The following TRIO variants were observed in gnomAD, a reference collection of about 807,000 sequenced individuals.
TRIO encodes trio Rho guanine nucleotide exchange factor, also known as triple functional domain protein.
In TRIO, 58 loss-of-function variants were observed where a neutral mutation model predicts 351.9. That is an observed-to-expected ratio of 0.16 (90% CI 0.13 to 0.21). The LOEUF (loss-of-function observed/expected upper bound fraction) is 0.21, where lower values mean the gene tolerates loss of function less well. TRIO is among the 10% of genes least tolerant of loss of function. The pLI is 1.00. For synonymous variants in TRIO, 1,758 were observed against 1,595.7 expected (o/e 1.10, Z -2.42); for missense variants, 3,201 against 4,027.8 (o/e 0.79, Z 5.56).
chr5:14,485,158 C>T lies in TRIO; in HGVS notation c.6747C>T (p.Phe2249=). Residue 2249 remains phenylalanine, a synonymous_variant, in exon 47 of 57, where the codon TTC becomes TTT. Coordinates refer to ENST00000344204, the MANE Select transcript of TRIO (RefSeq NM_007118.4). ...GGACGGGTGACGTGGTAGAGACCTTCATTTTGCATTCATCTAGTCCAAGTG... is the reference window on the plus strand; with the variant it reads ...GGACGGGTGACGTGGTAGAGACCTTTATTTTGCATTCATCTAGTCCAAGTG... ...TSRTGDVVET[F]ILHSSSPSVR... 6.3e-7 allele frequency: 1 copy of T among 1,596,230 alleles called. No homozygotes were observed. Among genetic ancestry groups the T allele is most frequent in the Non-Finnish European group, 8.6e-7 (1 of 1,165,538 alleles).
intron 1 of TRIO, among the ~76,000 whole-genome samples, chr5:14,259,782 G>GT (rs1326603424): frequency 7.6e-6 from 1 of 131,706 alleles, no homozygotes; most frequent in Admixed American, 7.2e-5. Context: ...AAAGTGCCAG[G>GT]TTTTTTGTTT....
intron 20 of TRIO, among the ~76,000 whole-genome samples, chr5:14,379,143 G>T (rs1745839108): frequency 6.6e-6 from 1 of 152,142 alleles, no homozygotes; most frequent in Non-Finnish European, 1.5e-5. Flanking sequence ...CCCAGCGTCT[G>T]TGTGTGGCCC....
At chr5:14,395,639 G>A (rs1163497274) in intron 28 of TRIO, among the ~76,000 whole-genome samples, 1 of 152,214 alleles carries the variant, frequency 6.6e-6, no homozygotes, top group Non-Finnish European at 1.5e-5. Context: ...CCATCAGGCA[G>A]CTGAGTTCCT....
intron 34 of TRIO, among the ~76,000 whole-genome samples, chr5:14,428,357 A>G (rs897151925): frequency 2.6e-5 from 4 of 152,202 alleles, no homozygotes; most frequent in African/African-American, 9.6e-5. Flanking sequence ...CATTCTTAAA[A>G]ATAATATACT....
chr5:14,205,431 A>G (rs1791394898), intron 1 of TRIO, among the ~76,000 whole-genome samples: 1 of 152,228 alleles, frequency 6.6e-6, no homozygotes, highest in Admixed American at 6.5e-5. Flanking sequence ...GTAATGTTAC[A>G]AGTCAATACA....
At chr5:14,187,691 A>G (rs73055596) in intron 1 of TRIO, among the ~76,000 whole-genome samples, 6,610 of 152,316 alleles carry the variant, frequency 0.043, 491 homozygotes, top group African/African-American at 0.15. Flanking sequence ...TAAAAGTCCA[A>G]TTAAGTAAAA....
chr5:14,148,222 A>T (rs1185687255), intron 1 of TRIO, among the ~76,000 whole-genome samples: 1 of 152,234 alleles, frequency 6.6e-6, no homozygotes. Flanking sequence ...AAAATGAAGC[A>T]TGTGGTTTAC....
chr5:14,324,867 C>G (rs1740225194), intron 9 of TRIO, among the ~76,000 whole-genome samples: 1 of 152,172 alleles, frequency 6.6e-6, no homozygotes, highest in African/African-American at 2.4e-5. Context: ...ATTTCTATAG[C>G]TGAATGTTCA....
Position 14,497,139 on chromosome 5 carries a change from CCGTGCCCTG to C in TRIO, c.8019+127_8019+135del. On this transcript the variant is annotated intron_variant, in intron 50 of 56. Transcript: ENST00000344204. This position sits in a 1 kb window ranked among gnomAD's most constrained non-coding sequence, Gnocchi z 4.4. ...ATGACCTCCCTCCCACCCACCAGCC[CCGTGCCCTG>C]CGTGTCCTGTAGGGTCTTGTTAGGG... is the stretch of plus-strand genomic sequence containing the variant. 7.1e-7 allele frequency: 1 copy of C among 1,409,918 alleles called. No homozygotes were observed. Among genetic ancestry groups the C allele is most frequent in the Non-Finnish European group, 9.5e-7 (1 of 1,053,502 alleles). The allele number at this position is 1,409,918 out of a possible 1,614,324, so 87.3% of individuals were successfully genotyped here.
chr5:14,274,144 A>G (rs1250964480), intron 2 of TRIO, among the ~76,000 whole-genome samples: 1 of 152,196 alleles, frequency 6.6e-6, no homozygotes, highest in Non-Finnish European at 1.5e-5. Context: ...TAGGTATTCA[A>G]ATTTTTATGC....
intron 11 of TRIO, among the ~76,000 whole-genome samples, chr5:14,339,627 C>T (rs1005867142): frequency 2.6e-5 from 4 of 152,156 alleles, no homozygotes; most frequent in South Asian, 2.1e-4. Context: ...AAGGAGGGAT[C>T]GGGGCCCAGT....
At position 14,280,280 on chromosome 5, in the gene TRIO, C is replaced by T. The variant is rs749004812; in HGVS notation, c.233-42C>T. On this transcript the variant is annotated intron_variant, in intron 2 of 56. Coordinates refer to ENST00000344204, the MANE Select transcript of TRIO (RefSeq NM_007118.4). The stretch of plus-strand genomic sequence containing the variant: ...ATGGATGATAACATAGGATTTCTGT[C>T]TTATCTTGTGTCTAAGTGTATTCCT... 5 of 1,560,982 alleles carry T rather than the reference C, an allele frequency of 3.2e-6. No individual in the cohort carries two copies. In the South Asian group the frequency reaches 5.6e-5, roughly 17 times the overall value.
chr5:14,143,955 G>C, intron 1 of TRIO, 73 bp downstream of exon 1: 1 of 999,970 alleles, frequency 1.0e-6, no homozygotes, highest in East Asian at 8.7e-5. Context: ...CGGAGCTGCC[G>C]AGCTCCGGCC....
rs373636394 is a variant in TRIO, at chr5:14,249,908, T to C, written c.158-20917T>C. Reference sequence around the variant, plus strand: ...TCTGGAATGAGAATGCATGTTCTGCTGATTTTCATACCAAGTTCATAAAAA... The same window carrying C: ...TCTGGAATGAGAATGCATGTTCTGCCGATTTTCATACCAAGTTCATAAAAA... On this transcript the variant is annotated intron_variant, in intron 1 of 56. Transcript: ENST00000344204. 2.2e-3 allele frequency among the ~76,000 whole-genome samples: 331 copies of C among 152,328 alleles called. 1 individual carries two copies. Among genetic ancestry groups the C allele is most frequent in the African/African-American group, 7.6e-3 (314 of 41,572 alleles).
intron 34 of TRIO, among the ~76,000 whole-genome samples, chr5:14,443,792 G>C (rs73061668): frequency 0.049 from 7,466 of 152,302 alleles, 584 homozygotes; most frequent in African/African-American, 0.17. Flanking sequence ...CTAAGCGATT[G>C]TTAAGAAAAT....
At chr5:14,434,247 T>C (rs1344029151) in intron 34 of TRIO, among the ~76,000 whole-genome samples, 1 of 152,234 alleles carries the variant, frequency 6.6e-6, no homozygotes, top group Non-Finnish European at 1.5e-5. Context: ...AGATTGACTA[T>C]TGTAATTTTG....
chr5:14,454,680 A>C (rs1753119454), intron 34 of TRIO, among the ~76,000 whole-genome samples: 1 of 152,214 alleles, frequency 6.6e-6, no homozygotes, highest in Admixed American at 6.5e-5. Context: ...AGTTAGAAAC[A>C]ACCAGACATG....
chr5:14,152,626 T>C (rs1010758681), intron 1 of TRIO, among the ~76,000 whole-genome samples: 15 of 152,340 alleles, frequency 9.8e-5, no homozygotes, highest in African/African-American at 2.9e-4. Flanking sequence ...CATCTTGGGC[T>C]CCCAAAGTGC....
intron 2 of TRIO, among the ~76,000 whole-genome samples, chr5:14,271,369 AG>A (rs1795964588): frequency 6.6e-6 from 1 of 152,048 alleles, no homozygotes; most frequent in Non-Finnish European, 1.5e-5. Flanking sequence ...CTGGTCATGG[AG>A]TAACTAGGAC....
Sources: gnomAD v4.1 joint callset for allele counts (sites outside exome capture counted in the v4.1 genomes callset) on GRCh38, gnomAD v4.1.1 for gene constraint, Gnocchi (gnomAD v3.1) non-coding constraint, MANE v1.5 for transcripts, NCBI Gene and HGNC (gene_info 2026-07-23, HGNC 2026-07-21) for gene names.